ALPK2: variants seen among roughly 807,000 people sequenced by gnomAD.
ALPK2 encodes the protein alpha kinase 2, also known as alpha-protein kinase 2.
In ALPK2, 127 loss-of-function variants were observed where a neutral mutation model predicts 163.1. The ratio of observed to expected loss-of-function variants is 0.78; its 90% CI spans 0.67 to 0.90. The LOEUF (loss-of-function observed/expected upper bound fraction) is 0.90, where lower values mean the gene tolerates loss of function less well. Ranked by LOEUF, ALPK2 falls within the 40% of genes least tolerant of loss-of-function variation. The pLI is 0.00. For synonymous variants in ALPK2, 953 were observed against 959.1 expected, an observed-to-expected ratio of 0.99 and a Z score of 0.12; for missense variants, 2,360 against 2,589.6, an observed-to-expected ratio of 0.91 and a Z score of 1.92.
At chr18:58,619,832 A>G (rs933505292) in intron 1 of ALPK2, among the ~76,000 whole-genome samples, 10 of 152,362 alleles carry the variant, frequency 6.6e-5, no homozygotes, top group African/African-American at 2.4e-4. Context: ...ATATTCACAC[A>G]AAGACTCGCA....
At chr18:58,600,082 G>A (rs2052061518) in intron 3 of ALPK2, among the ~76,000 whole-genome samples, 1 of 126,268 alleles carries the variant, frequency 7.9e-6, no homozygotes, top group Non-Finnish European at 1.6e-5. Flanking sequence ...TGTTGCCCAG[G>A]CTGGAGTGCA....
In ALPK2 at chr18:58,536,485, G is replaced by C. The variant is rs1399544472; in HGVS notation, c.3702C>G (p.Asn1234Lys). The part of the protein sequence containing the change: ...EYRPGNWEAG[N>K]KLKIITLEAS... ...CCTCTAGAGTTATAATCTTCAGCTT[G>C]TTGCCTGCCTCCCAATTTCCAGGTC... The change falls in exon 5 of 13, where the codon AAC becomes AAG. Residue 1234 changes from asparagine (N) to lysine (K), a missense_variant. Coordinates refer to ENST00000361673, the MANE Select transcript of ALPK2 (RefSeq NM_052947.4). The C allele has an allele frequency of 6.2e-7, 1 of 1,613,818 alleles. No individual in the cohort carries two copies. The highest frequency in any genetic ancestry group is 8.5e-7 in the Non-Finnish European group (1 of 1,180,044).
intron 4 of ALPK2, among the ~76,000 whole-genome samples, chr18:58,566,214 GT>G: frequency 6.6e-6 from 1 of 152,290 alleles, no homozygotes; most frequent in South Asian, 2.1e-4. Flanking sequence ...GGGGTCCATT[GT>G]AAGGTACTGA....
chr18:58,535,162 C>G lies in ALPK2; in HGVS notation c.5025G>C (p.Lys1675Asn), dbSNP rs7240355. Residue 1675 changes from lysine (K) to asparagine (N), a missense_variant, in exon 5 of 13, where the codon AAG becomes AAC. Transcript: ENST00000361673. ...APKLLQDPCQ[K>N]GTLGCAKKSR... ...ACTTTTTCGCACAGCCCAGGGTGCC[C>G]TTTTGACATGGATCCTGCAGTAATT... 1.2e-6 allele frequency: 2 copies of G among 1,613,980 alleles called. No individual in the cohort carries two copies. Among genetic ancestry groups the G allele is most frequent in the Non-Finnish European group, 8.5e-7 (1 of 1,179,986 alleles).
chr18:58,589,497 T>C (rs1602231030), intron 3 of ALPK2, among the ~76,000 whole-genome samples: 1 of 152,180 alleles, frequency 6.6e-6, no homozygotes, highest in African/African-American at 2.4e-5. Context: ...AAGAGGAATA[T>C]GAAGACACGA....
chr18:58,506,375 A>C (rs2051462086), intron 10 of ALPK2, among the ~76,000 whole-genome samples: 1 of 151,722 alleles, frequency 6.6e-6, no homozygotes, highest in African/African-American at 2.4e-5. Flanking sequence ...AAAAAAAAAA[A>C]GGAAAAATAA....
chr18:58,536,998 AC>A lies in ALPK2; in HGVS notation c.3188del (p.Gly1063ValfsTer146), dbSNP rs773070548. On this transcript the variant is annotated frameshift_variant, in exon 5 of 13. Transcript: ENST00000361673. LOFTEE classifies it high-confidence loss of function. ...GCTCTTTTGTAGATTTGATGGTAGC[AC>A]CACTTAAAATATGATCCAACTGCAC... ...SQVQLDHILS[G>X]ATIKSTKELL... 6.2e-7 allele frequency: 1 copy of A among 1,614,162 alleles called. No individual in the cohort carries two copies. The highest frequency in any genetic ancestry group is 8.5e-7 in the Non-Finnish European group (1 of 1,180,004).
intron 11 of ALPK2, 79 bp from the exon 12 acceptor site, chr18:58,498,176 A>G: frequency 7.4e-7 from 1 of 1,346,612 alleles, no homozygotes; most frequent in South Asian, 1.2e-5. Flanking sequence ...GCCCCAGGGA[A>G]GGGGTAATGA....
chr18:58,561,702 C>T (rs61374435), intron 4 of ALPK2, among the ~76,000 whole-genome samples: 98 of 152,328 alleles, frequency 6.4e-4, no homozygotes, highest in African/African-American at 1.2e-3. Context: ...CAGGAAGCTA[C>T]GGAGTCTGGG....
At chr18:58,611,641 T>C (rs1233629824) in intron 2 of ALPK2, 48 bp downstream of exon 2, 1 of 1,513,242 alleles carries the variant, frequency 6.6e-7, no homozygotes, top group Non-Finnish European at 9.1e-7. Flanking sequence ...AGAAACCTGG[T>C]ATGCAGGGAG....
intron 4 of ALPK2, among the ~76,000 whole-genome samples, chr18:58,555,343 C>T (rs553085658): frequency 5.9e-5 from 9 of 152,316 alleles, no homozygotes; most frequent in African/African-American, 2.2e-4. Flanking sequence ...GGTGAGATAA[C>T]ACTGAGATTC....
chr18:58,587,595 A>C (rs1399868135), intron 3 of ALPK2, among the ~76,000 whole-genome samples: 2 of 152,240 alleles, frequency 1.3e-5, no homozygotes, highest in South Asian at 4.1e-4. Context: ...AAATTACAGT[A>C]ACTGAAATAA....
intron 5 of ALPK2, among the ~76,000 whole-genome samples, chr18:58,531,320 C>T (rs1355115374): frequency 6.6e-6 from 1 of 152,082 alleles, no homozygotes; most frequent in Non-Finnish European, 1.5e-5. Flanking sequence ...GGCATTAAAT[C>T]TGTGCTCCTT....
chr18:58,594,057 G>A (rs1328666726), intron 3 of ALPK2, among the ~76,000 whole-genome samples: 3 of 151,178 alleles, frequency 2.0e-5, no homozygotes, highest in African/African-American at 7.3e-5. Flanking sequence ...GCACTCAGAA[G>A]CACTGAACTA....
chr18:58,610,298 A>AG (rs71173068), intron 2 of ALPK2, among the ~76,000 whole-genome samples: 4 of 149,250 alleles, frequency 2.7e-5, no homozygotes, highest in Non-Finnish European at 6.0e-5. Flanking sequence ...AAAAAAAAAA[A>AG]GAGCAAGGGG....
chr18:58,594,119 A>T (rs1045885496), intron 3 of ALPK2, among the ~76,000 whole-genome samples: 4 of 152,096 alleles, frequency 2.6e-5, no homozygotes, highest in Non-Finnish European at 5.9e-5. Flanking sequence ...GGGAACAGGC[A>T]TGTTCATGGT....
chr18:58,607,472 G>T, intron 2 of ALPK2, 33 bp from the exon 3 acceptor site: 31 of 1,287,056 alleles, frequency 2.4e-5, no homozygotes, highest in Non-Finnish European at 3.1e-5. Flanking sequence ...ATCCTTATTA[G>T]TTTAAGTATT....
chr18:58,542,453 T>C (rs751352886), intron 4 of ALPK2, among the ~76,000 whole-genome samples: 1 of 152,218 alleles, frequency 6.6e-6, no homozygotes, highest in East Asian at 1.9e-4. Flanking sequence ...AAAATAAATC[T>C]GAGAAAAAGA....
intron 1 of ALPK2, among the ~76,000 whole-genome samples, chr18:58,621,540 G>T (rs1490029582): frequency 1.3e-5 from 2 of 152,156 alleles, no homozygotes; most frequent in African/African-American, 4.8e-5. Context: ...CAAAGTGCTG[G>T]GATTACAGGC....
Sources: gnomAD v4.1 joint callset for allele counts (sites outside exome capture counted in the v4.1 genomes callset) on GRCh38, gnomAD v4.1.1 for gene constraint, MANE v1.5 for transcripts, NCBI Gene and HGNC (gene_info 2026-07-23, HGNC 2026-07-21) for gene names.